SCAI: variants seen among roughly 807,000 people sequenced by gnomAD.
The protein encoded by SCAI is suppressor of cancer cell invasion.
In SCAI, 24 loss-of-function variants were observed where a neutral mutation model predicts 92.2. The ratio of observed to expected loss-of-function variants is 0.26; its 90% CI spans 0.19 to 0.37. SCAI has a LOEUF of 0.37. Ranked by LOEUF, SCAI falls within the 10% of genes least tolerant of loss-of-function variation. The pLI is 1.00. For missense variants in SCAI, 450 were observed against 736.2 expected (o/e 0.61, Z 4.50); for synonymous variants, 261 against 258.6 (o/e 1.01, Z -0.09).
At chr9:125,079,583 G>GT (rs58769304) in intron 2 of SCAI, among the ~76,000 whole-genome samples, 3,712 of 151,082 alleles carry the variant, frequency 0.025, 165 homozygotes, top group African/African-American at 0.086. Context: ...AAAATGCCTG[G>GT]TTTTTTTTTA....
At chr9:125,001,518 C>T (rs760667787) in intron 12 of SCAI, among the ~76,000 whole-genome samples, 1 of 152,134 alleles carries the variant, frequency 6.6e-6, no homozygotes, top group African/African-American at 2.4e-5. Context: ...TTCACAGTTA[C>T]GAAAGTACAC....
intron 14 of SCAI, among the ~76,000 whole-genome samples, chr9:124,981,564 C>T (rs552577257): frequency 6.6e-6 from 1 of 152,022 alleles, no homozygotes; most frequent in Non-Finnish European, 1.5e-5. Context: ...GTTAAGAACA[C>T]GTGATGAGTG....
At chr9:124,992,406 C>G (rs574877015) in intron 14 of SCAI, among the ~76,000 whole-genome samples, 1 of 149,686 alleles carries the variant, frequency 6.7e-6, no homozygotes, top group African/African-American at 2.5e-5. Flanking sequence ...TTTGTTGAGA[C>G]AGAATCTCAC....
chr9:125,014,271 C>G (rs1202864990), intron 9 of SCAI, among the ~76,000 whole-genome samples: 16 of 152,092 alleles, frequency 1.1e-4, no homozygotes, highest in Admixed American at 2.0e-4. Context: ...GATTGTATAT[C>G]TAGAAAACCC....
At chr9:125,136,197 A>G (rs1450978536) in intron 2 of SCAI, among the ~76,000 whole-genome samples, 1 of 140,574 alleles carries the variant, frequency 7.1e-6, no homozygotes, top group African/African-American at 2.7e-5. Flanking sequence ...TGCAGCCTCC[A>G]CCTCCCAGTC....
chr9:125,004,252 G>C (rs1478098646), intron 9 of SCAI, among the ~76,000 whole-genome samples: 1 of 151,838 alleles, frequency 6.6e-6, no homozygotes, highest in Non-Finnish European at 1.5e-5. Flanking sequence ...ACTGGTGGAT[G>C]AATTCACACG....
intron 2 of SCAI, among the ~76,000 whole-genome samples, chr9:125,059,196 T>C (rs2131142098): frequency 6.6e-6 from 1 of 152,332 alleles, no homozygotes; most frequent in Admixed American, 6.5e-5. Context: ...TGAGAAGTAC[T>C]GTTCCTGTCA....
At chr9:125,050,486 C>G (rs188317075) in intron 3 of SCAI, among the ~76,000 whole-genome samples, 8 of 152,254 alleles carry the variant, frequency 5.3e-5, no homozygotes, top group African/African-American at 1.9e-4. Context: ...AACCCACCAC[C>G]ACAGGGAACT....
At chr9:124,958,014 A>C (rs1831356995) in intron 17 of SCAI, among the ~76,000 whole-genome samples, 1 of 152,218 alleles carries the variant, frequency 6.6e-6, no homozygotes, top group Non-Finnish European at 1.5e-5. Context: ...ATACTGGAAC[A>C]TAAAATATTT....
chr9:125,031,489 T>C (rs1212316248), intron 3 of SCAI, among the ~76,000 whole-genome samples: 1 of 152,028 alleles, frequency 6.6e-6, no homozygotes, highest in African/African-American at 2.4e-5. Context: ...GATCTCCTGA[T>C]CCACCTGCCT....
chr9:124,988,035 A>AACACAC (rs144782993), intron 14 of SCAI, among the ~76,000 whole-genome samples: 1 of 149,594 alleles, frequency 6.7e-6, no homozygotes, highest in Non-Finnish European at 1.5e-5. Flanking sequence ...TGTATCTATA[A>AACACAC]ACACACACAC....
intron 2 of SCAI, among the ~76,000 whole-genome samples, chr9:125,096,452 T>C (rs749213237): frequency 3.9e-5 from 6 of 152,208 alleles, no homozygotes; most frequent in Non-Finnish European, 7.3e-5. Flanking sequence ...CAATTACTGA[T>C]GGGTATGAAA....
chr9:125,122,331 C>T (rs983605635), intron 2 of SCAI, among the ~76,000 whole-genome samples: 10 of 152,050 alleles, frequency 6.6e-5, no homozygotes, highest in Admixed American at 5.9e-4. Flanking sequence ...TGGCTCATGC[C>T]TATGATCCCA....
rs190829151 is a variant in SCAI at position 125,068,837 on chromosome 9, C to T, written c.99-12830G>A. Among the ~76,000 whole-genome samples, 188 of 152,054 alleles carry T rather than the reference C, an allele frequency of 1.2e-3. 1 individual carries two copies. The highest frequency in any genetic ancestry group is 0.011 in the South Asian group (52 of 4,822). On this transcript the variant is annotated intron_variant, in intron 2 of 17. Coordinates refer to ENST00000336505, the MANE Select transcript of SCAI (RefSeq NM_001144877.3). ...TCTGCAGTTAGTGATGTTTCAAAAA[C>T]ATAAGGAACAACTCTGTGATCAGAC...
intron 2 of SCAI, among the ~76,000 whole-genome samples, chr9:125,116,049 C>T (rs1393185214): frequency 6.6e-6 from 1 of 151,990 alleles, no homozygotes; most frequent in Non-Finnish European, 1.5e-5. Context: ...AACAATTAGC[C>T]GAGCATGGTG....
intron 4 of SCAI, among the ~76,000 whole-genome samples, chr9:125,029,231 C>T (rs532850214): frequency 6.6e-6 from 1 of 152,136 alleles, no homozygotes; most frequent in East Asian, 1.9e-4. Context: ...AAGCGATTCT[C>T]GTGCCACAGC....
At chr9:124,979,770 C>A (rs1831840579) in intron 14 of SCAI, among the ~76,000 whole-genome samples, 1 of 152,004 alleles carries the variant, frequency 6.6e-6, no homozygotes, top group Non-Finnish European at 1.5e-5. Flanking sequence ...AGCAAATAGG[C>A]TGGGCGCGGT....
At chr9:125,083,908 G>A (rs1834269486) in intron 2 of SCAI, among the ~76,000 whole-genome samples, 2 of 152,068 alleles carry the variant, frequency 1.3e-5, no homozygotes, top group South Asian at 4.1e-4. Flanking sequence ...GAGAATGACG[G>A]AGGGTGATAC....
intron 3 of SCAI, among the ~76,000 whole-genome samples, chr9:125,052,944 T>C (rs1833591284): frequency 6.6e-6 from 1 of 151,674 alleles, no homozygotes; most frequent in South Asian, 2.1e-4. Context: ...TTGATGAGAA[T>C]GAGGAGAAAC....
Sources: gnomAD v4.1 joint callset for allele counts (sites outside exome capture counted in the v4.1 genomes callset) on GRCh38, gnomAD v4.1.1 for gene constraint, MANE v1.5 for transcripts, NCBI Gene and HGNC (gene_info 2026-07-23, HGNC 2026-07-21) for gene names.